Variants in BRINP1 observed in about 807,000 individuals in gnomAD.
BRINP1 encodes the protein BMP/retinoic acid-inducible neural-specific protein 1.
BRINP1 carries 17 observed loss-of-function variants against 72.9 expected under a neutral mutation model. The ratio of observed to expected loss-of-function variants is 0.23; its 90% confidence interval spans 0.16 to 0.35. BRINP1 has a LOEUF of 0.35. Ranked by LOEUF, BRINP1 falls within the 10% of genes least tolerant of loss-of-function variation. BRINP1 has a pLI of 1.00. For synonymous variants in BRINP1, 418 were observed against 378.5 expected, an observed-to-expected ratio of 1.10 and a Z score of -1.21; for missense variants, 850 against 1,001.6, an observed-to-expected ratio of 0.85 and a Z score of 2.04.
At chr9:119,224,312 A>C (rs545970647) in intron 5 of BRINP1, among the ~76,000 whole-genome samples, 11 of 152,110 alleles carry the variant, frequency 7.2e-5, no homozygotes, top group Non-Finnish European at 1.5e-4. Context: ...TTTGTACAGG[A>C]TTGAACCTGA....
chr9:119,244,995 T>C (rs1430196717), intron 3 of BRINP1, among the ~76,000 whole-genome samples: 1 of 152,172 alleles, frequency 6.6e-6, no homozygotes, highest in Non-Finnish European at 1.5e-5. Context: ...TGTCTGGACT[T>C]TAGCCCTCTG....
intron 7 of BRINP1, among the ~76,000 whole-genome samples, chr9:119,195,046 C>A (rs761847759): frequency 2.6e-5 from 4 of 152,124 alleles, no homozygotes; most frequent in African/African-American, 9.7e-5. Flanking sequence ...CTTTCAGGTA[C>A]AAAATTTTAT....
intron 7 of BRINP1, among the ~76,000 whole-genome samples, chr9:119,190,665 C>T (rs1166660155): frequency 1.3e-5 from 2 of 151,840 alleles, no homozygotes; most frequent in South Asian, 2.1e-4. Context: ...ATTTAAAAAC[C>T]TTCCACTAAG....
intron 1 of BRINP1, among the ~76,000 whole-genome samples, chr9:119,329,673 A>G (rs764688444): frequency 2.0e-5 from 3 of 152,248 alleles, no homozygotes; most frequent in Non-Finnish European, 4.4e-5. Flanking sequence ...AAAGATTTAT[A>G]TTCTTCATTT....
intron 7 of BRINP1, among the ~76,000 whole-genome samples, chr9:119,206,028 CTG>C (rs1369609525): frequency 6.6e-6 from 1 of 152,110 alleles, no homozygotes; most frequent in Non-Finnish European, 1.5e-5. Context: ...CAAACTGTGA[CTG>C]TGTTTGGAGA....
intron 2 of BRINP1, among the ~76,000 whole-genome samples, chr9:119,285,848 A>G (rs1830756053): frequency 6.6e-6 from 1 of 152,124 alleles, no homozygotes; most frequent in Admixed American, 6.5e-5. Flanking sequence ...TTTTCCTGGT[A>G]TTCAGTTGTC....
chr9:119,237,029 C>T (rs911458472), intron 5 of BRINP1, among the ~76,000 whole-genome samples: 14 of 152,200 alleles, frequency 9.2e-5, no homozygotes, highest in Admixed American at 2.0e-4. Context: ...CCTTCTGTAA[C>T]GGGAGCATGA....
chr9:119,290,006 T>G (rs537117118), intron 2 of BRINP1, among the ~76,000 whole-genome samples: 1 of 152,162 alleles, frequency 6.6e-6, no homozygotes, highest in Non-Finnish European at 1.5e-5. Context: ...CTTCAATAAT[T>G]AAATCAGGAA....
chr9:119,236,799 T>C (rs2118905635), intron 5 of BRINP1, among the ~76,000 whole-genome samples: 1 of 152,310 alleles, frequency 6.6e-6, no homozygotes, highest in South Asian at 2.1e-4. Flanking sequence ...TTTTTCTGTC[T>C]ACTCTTTTTT....
At chr9:119,286,065 A>G (rs1564238719) in intron 2 of BRINP1, among the ~76,000 whole-genome samples, 1 of 152,180 alleles carries the variant, frequency 6.6e-6, no homozygotes, top group Non-Finnish European at 1.5e-5. Context: ...TAATATGAAT[A>G]TCAGCATTGA....
intron 2 of BRINP1, among the ~76,000 whole-genome samples, chr9:119,267,239 C>A (rs915631994): frequency 6.6e-6 from 1 of 152,152 alleles, no homozygotes. Flanking sequence ...ATTCAAATAT[C>A]TGGATCAACA....
intron 6 of BRINP1, chr9:119,213,599 G>C: frequency 1.9e-6 from 1 of 537,138 alleles, no homozygotes; most frequent in East Asian, 3.0e-5. Flanking sequence ...CACAGCCCAA[G>C]GAATCAATAC....
chr9:119,358,551 G>A (rs180893503), intron 1 of BRINP1, among the ~76,000 whole-genome samples: 3 of 152,266 alleles, frequency 2.0e-5, no homozygotes, highest in Admixed American at 1.3e-4. Flanking sequence ...AAAATTAGCC[G>A]GGCATGGCGG....
chr9:119,189,703 A>T (rs1369625682), intron 7 of BRINP1, among the ~76,000 whole-genome samples: 1 of 152,092 alleles, frequency 6.6e-6, no homozygotes, highest in Non-Finnish European at 1.5e-5. Context: ...GGAATAAATA[A>T]ATATCTATAC....
At chr9:119,279,383 T>C (rs1410658517) in intron 2 of BRINP1, among the ~76,000 whole-genome samples, 3 of 152,210 alleles carry the variant, frequency 2.0e-5, no homozygotes, top group Non-Finnish European at 4.4e-5. Flanking sequence ...CCCTGTGAGG[T>C]GTCTCCAGAT....
At chr9:119,287,071 A>C (rs1830769000) in intron 2 of BRINP1, among the ~76,000 whole-genome samples, 1 of 152,168 alleles carries the variant, frequency 6.6e-6, no homozygotes, top group Non-Finnish European at 1.5e-5. Context: ...AAAAAAAAAA[A>C]AAACAGACCT....
chr9:119,242,267 GAGGACAGGGAT>G (rs3831067), intron 3 of BRINP1, 51 bp from the exon 4 acceptor site: 636,896 of 1,513,046 alleles, frequency 0.42, 140,339 homozygotes, highest in East Asian at 0.65. Flanking sequence ...TTTCATGTGA[GAGGACAGGGAT>G]GGGACCTGGA....
At chr9:119,312,823 T>C (rs1427287429) in intron 2 of BRINP1, among the ~76,000 whole-genome samples, 1 of 152,136 alleles carries the variant, frequency 6.6e-6, no homozygotes, top group Non-Finnish European at 1.5e-5. Context: ...ACCTAATTTG[T>C]AAAGTGGGAA....
chr9:119,301,706 C>T (rs1360359183), intron 2 of BRINP1, among the ~76,000 whole-genome samples: 2 of 152,138 alleles, frequency 1.3e-5, no homozygotes, highest in African/African-American at 4.8e-5. Context: ...TGATATTGTA[C>T]TACAGTCACA....
Sources: gnomAD v4.1 joint callset for allele counts (sites outside exome capture counted in the v4.1 genomes callset) on GRCh38, gnomAD v4.1.1 for gene constraint, MANE v1.5 for transcripts, NCBI Gene and HGNC (gene_info 2026-07-23, HGNC 2026-07-21) for gene names.